The following NAV2 variants were observed in gnomAD, a reference collection of about 807,000 sequenced individuals.
NAV2 encodes neuron navigator 2.
NAV2 carries 54 observed loss-of-function variants against 223.2 expected under a neutral mutation model. The observed-to-expected ratio is 0.24, with a 90% CI of 0.19 to 0.30. NAV2 has a LOEUF of 0.30. Among genes scored for constraint, NAV2 ranks in the 10% least tolerant of loss-of-function variants. NAV2 has a pLI of 1.00. For synonymous variants in NAV2, 1,279 were observed against 1,239.3 expected, an observed-to-expected ratio of 1.03 and a Z score of -0.67; for missense variants, 2,806 against 3,147.5, an observed-to-expected ratio of 0.89 and a Z score of 2.60.
At chr11:20,052,794 C>T (rs2058094700) in intron 17 of NAV2, among the ~76,000 whole-genome samples, 1 of 152,212 alleles carries the variant, frequency 6.6e-6, no homozygotes, top group Non-Finnish European at 1.5e-5. Flanking sequence ...ACTCCATACA[C>T]ATGAACATCC....
intron 1 of NAV2, among the ~76,000 whole-genome samples, chr11:19,752,912 G>A (rs1423795635): frequency 6.6e-6 from 1 of 152,174 alleles, no homozygotes; most frequent in African/African-American, 2.4e-5. Flanking sequence ...GGTATTTGGA[G>A]GTGGGGCCTT....
intron 1 of NAV2, among the ~76,000 whole-genome samples, chr11:19,377,012 A>T (rs1225598786): frequency 6.6e-6 from 1 of 152,196 alleles, no homozygotes; most frequent in African/African-American, 2.4e-5. Context: ...CAGTGAAGGA[A>T]CTTTGAGTGG....
At chr11:19,880,876 G>A (rs1186302406) in intron 5 of NAV2, among the ~76,000 whole-genome samples, 5 of 152,208 alleles carry the variant, frequency 3.3e-5, no homozygotes, top group African/African-American at 4.8e-5. Context: ...TTAGGAACTA[G>A]AGTTTTTGAC....
intron 6 of NAV2, among the ~76,000 whole-genome samples, chr11:19,923,438 AC>A (rs766848470): frequency 9.9e-5 from 15 of 152,118 alleles, no homozygotes; most frequent in African/African-American, 3.4e-4. Context: ...TTCCAAACTT[AC>A]CTGACCATAG....
intron 11 of NAV2, chr11:20,022,958 G>A (rs2054638648): frequency 7.3e-7 from 1 of 1,371,588 alleles, no homozygotes; most frequent in Non-Finnish European, 9.9e-7. Context: ...GGTGATCCCT[G>A]CTAGCTAGTC....
chr11:19,792,515 A>G (rs530720326), intron 1 of NAV2, among the ~76,000 whole-genome samples: 1 of 152,328 alleles, frequency 6.6e-6, no homozygotes, highest in Admixed American at 6.5e-5. Context: ...CCAGAGGGAA[A>G]GAGAAAACCT....
chr11:19,518,446 A>G (rs1279004188), intron 1 of NAV2: 1 of 152,258 alleles, frequency 6.6e-6, no homozygotes, highest in East Asian at 1.9e-4. Flanking sequence ...CTCTGTGCCC[A>G]GACTGGACAT....
chr11:20,092,923 C>T (rs1228449449), intron 28 of NAV2, among the ~76,000 whole-genome samples, 176 bp from the exon 29 acceptor site: 1 of 152,148 alleles, frequency 6.6e-6, no homozygotes, highest in African/African-American at 2.4e-5. Flanking sequence ...GGTTGGTCCA[C>T]CATTGGTTTC....
intron 19 of NAV2, among the ~76,000 whole-genome samples, chr11:20,057,716 C>G (rs2058453816): frequency 6.6e-6 from 1 of 152,214 alleles, no homozygotes; most frequent in Admixed American, 6.5e-5. Context: ...CTGAGTGAAC[C>G]ACGTCCAGTA....
intron 1 of NAV2, among the ~76,000 whole-genome samples, chr11:19,364,939 C>T (rs768599494): frequency 4.6e-5 from 7 of 152,186 alleles, no homozygotes; most frequent in African/African-American, 1.7e-4. Flanking sequence ...TTTCGGTTTT[C>T]GTTCGTTCAC....
At chr11:19,943,211 A>G (rs1167899305) in intron 8 of NAV2, among the ~76,000 whole-genome samples, 3 of 152,188 alleles carry the variant, frequency 2.0e-5, no homozygotes, top group South Asian at 2.1e-4. Context: ...GCTTATATAC[A>G]TAAAATGTGG....
chr11:19,944,850 T>A (rs2046746001), intron 8 of NAV2, among the ~76,000 whole-genome samples: 1 of 150,030 alleles, frequency 6.7e-6, no homozygotes, highest in East Asian at 2.0e-4. Context: ...CTTCTTGTCT[T>A]TCTGTCTTGC....
chr11:19,723,966 C>G (rs1184427477), intron 1 of NAV2, among the ~76,000 whole-genome samples: 1 of 152,240 alleles, frequency 6.6e-6, no homozygotes, highest in Non-Finnish European at 1.5e-5. Context: ...CGTTAGAAGA[C>G]AAGCCTTGAA....
intron 1 of NAV2, among the ~76,000 whole-genome samples, chr11:19,454,561 C>G (rs2133814912): frequency 6.6e-6 from 1 of 152,228 alleles, no homozygotes. Context: ...CAAGTTTGTT[C>G]ATTCTGAGCA....
At chr11:20,098,311 C>T (rs898246785) in intron 31 of NAV2, among the ~76,000 whole-genome samples, 7 of 152,188 alleles carry the variant, frequency 4.6e-5, no homozygotes, top group African/African-American at 1.2e-4. Flanking sequence ...GAAACTACAT[C>T]GTTATCCCCA....
At chr11:19,771,916 C>T (rs1467552149) in intron 1 of NAV2, among the ~76,000 whole-genome samples, 2 of 152,118 alleles carry the variant, frequency 1.3e-5, no homozygotes, top group Non-Finnish European at 2.9e-5. Context: ...CCCCTGCAGA[C>T]CCCAGTGTTC....
At chr11:20,049,970 A>G in intron 16 of NAV2, 69 bp downstream of exon 16, 1 of 1,497,354 alleles carries the variant, frequency 6.7e-7, no homozygotes, top group Non-Finnish European at 9.3e-7. Context: ...GTCAAGCCAG[A>G]TGTCTTGTGC....
Position 19,544,390 on chromosome 11 carries a change from C to T in NAV2, c.75+193363C>T, listed in dbSNP as rs1189360301. ...GCCACCATAAAGATCAGGTTCAGATCTCACATCCCCAAGGCTTACTGGTCA... is the reference window on the plus strand; with the variant it reads ...GCCACCATAAAGATCAGGTTCAGATTTCACATCCCCAAGGCTTACTGGTCA... On this transcript the variant is annotated intron_variant, in intron 1 of 37. Transcript: ENST00000360655. Among the ~76,000 whole-genome samples, 4 of 152,208 alleles carry T rather than the reference C, an allele frequency of 2.6e-5. No homozygotes were observed. In the East Asian group the frequency reaches 7.7e-4, roughly 29 times the overall value.
intron 6 of NAV2, among the ~76,000 whole-genome samples, chr11:19,930,710 A>C (rs2153256791): frequency 6.6e-6 from 1 of 152,342 alleles, no homozygotes; most frequent in East Asian, 1.9e-4. Context: ...ATGAATGAAT[A>C]TACTGAATGA....
Sources: gnomAD v4.1 joint callset for allele counts (sites outside exome capture counted in the v4.1 genomes callset) on GRCh38, gnomAD v4.1.1 for gene constraint, MANE v1.5 for transcripts, NCBI Gene and HGNC (gene_info 2026-07-23, HGNC 2026-07-21) for gene names.